The following SORCS1 variants were observed in gnomAD, a reference collection of about 807,000 sequenced individuals.
SORCS1 encodes VPS10 domain-containing receptor SorCS1.
Under a neutral mutation model 146.1 loss-of-function variants are expected in SORCS1, and 60 were observed. That is an observed-to-expected ratio of 0.41 (90% CI 0.33 to 0.51). SORCS1 has a LOEUF of 0.51. Ranked by LOEUF, SORCS1 falls within the 20% of genes least tolerant of loss-of-function variation. The pLI, the probability that SORCS1 is intolerant of heterozygous loss-of-function variation, is 0.21. For missense variants in SORCS1, 1,352 were observed against 1,487.6 expected, an observed-to-expected ratio of 0.91 and a Z score of 1.50; for synonymous variants, 637 against 584.0, an observed-to-expected ratio of 1.09 and a Z score of -1.31.
chr10:106,932,147 A>G (rs975660991), intron 2 of SORCS1, among the ~76,000 whole-genome samples: 1 of 152,186 alleles, frequency 6.6e-6, no homozygotes, highest in African/African-American at 2.4e-5. Flanking sequence ...ATGTTATGTG[A>G]ATTTTTATCC....
intron 2 of SORCS1, among the ~76,000 whole-genome samples, chr10:106,955,291 A>T (rs1359191110): frequency 6.6e-6 from 1 of 152,220 alleles, no homozygotes; most frequent in African/African-American, 2.4e-5. Context: ...TCCAGACACC[A>T]GCGCCCAAGG....
At chr10:107,040,786 G>A in intron 1 of SORCS1, among the ~76,000 whole-genome samples, 1 of 152,250 alleles carries the variant, frequency 6.6e-6, no homozygotes, top group South Asian at 2.1e-4. Context: ...AGCATCATTA[G>A]CACTTAAAAA....
At chr10:106,836,047 A>G (rs1480385954) in intron 2 of SORCS1, among the ~76,000 whole-genome samples, 3 of 152,026 alleles carry the variant, frequency 2.0e-5, no homozygotes, top group African/African-American at 7.2e-5. Flanking sequence ...ATAACAACGA[A>G]TGCTCTTTGA....
intron 2 of SORCS1, among the ~76,000 whole-genome samples, chr10:106,909,864 G>C (rs1952065851): frequency 6.6e-6 from 1 of 152,118 alleles, no homozygotes; most frequent in Non-Finnish European, 1.5e-5. Flanking sequence ...CAATATGATT[G>C]CAGGTATTGC....
chr10:106,595,387 C>G (rs1055103510), intron 24 of SORCS1, among the ~76,000 whole-genome samples: 1 of 152,100 alleles, frequency 6.6e-6, no homozygotes, highest in South Asian at 2.1e-4. Context: ...TTACACTCAT[C>G]TTTTTCAAGG....
At chr10:107,168,580 A>G (rs1304800032), upstream of SORCS1, among the ~76,000 whole-genome samples, 1 of 152,058 alleles carries the variant, frequency 6.6e-6, no homozygotes, top group Non-Finnish European at 1.5e-5. Context: ...CTAGGAGCAC[A>G]ACTCTTAGTA....
At chr10:106,885,904 G>A (rs941846703) in intron 2 of SORCS1, among the ~76,000 whole-genome samples, 6 of 152,038 alleles carry the variant, frequency 3.9e-5, no homozygotes, top group East Asian at 1.9e-4. Context: ...CACATAAGAC[G>A]TGCCTTTCAC....
intron 4 of SORCS1, among the ~76,000 whole-genome samples, chr10:106,773,283 C>A (rs1860165571): frequency 6.6e-6 from 1 of 152,198 alleles, no homozygotes; most frequent in Non-Finnish European, 1.5e-5. Context: ...CCAGCCAACA[C>A]CAGCACATGG....
intron 1 of SORCS1, among the ~76,000 whole-genome samples, chr10:107,107,418 AT>A (rs1265690511): frequency 6.6e-6 from 1 of 152,152 alleles, no homozygotes; most frequent in Non-Finnish European, 1.5e-5. Flanking sequence ...GGATGAATGG[AT>A]TTTGTGTTTC....
intron 2 of SORCS1, among the ~76,000 whole-genome samples, chr10:106,951,314 A>T (rs565743876): frequency 3.2e-4 from 48 of 152,180 alleles, no homozygotes; most frequent in South Asian, 1.7e-3. Context: ...GATCGAGACC[A>T]TCCTGGCTAA....
intron 1 of SORCS1, among the ~76,000 whole-genome samples, chr10:107,006,944 C>A (rs541706897): frequency 6.6e-6 from 1 of 152,162 alleles, no homozygotes; most frequent in Non-Finnish European, 1.5e-5. Flanking sequence ...TACTCAAATG[C>A]GCTTATAGCA....
At chr10:106,659,777 G>C (rs1472350058) in intron 17 of SORCS1, among the ~76,000 whole-genome samples, 2 of 152,194 alleles carry the variant, frequency 1.3e-5, no homozygotes, top group African/African-American at 4.8e-5. Context: ...GAATCGCCAT[G>C]TGAGAAAGCA....
chr10:106,723,987 T>A (rs1340084378), intron 6 of SORCS1, among the ~76,000 whole-genome samples: 1 of 152,192 alleles, frequency 6.6e-6, no homozygotes, highest in Non-Finnish European at 1.5e-5. Context: ...TATGTACTTT[T>A]TAAATTAATA....
In SORCS1 at chr10:106,772,043, C is replaced by T. The variant is rs549328194; in HGVS notation, c.885+4491G>A. Among the ~76,000 whole-genome samples, 6 of 152,266 alleles carry T rather than the reference C, an allele frequency of 3.9e-5. No homozygotes were observed. The East Asian group carries it at 1.2e-3, about 29-fold the overall frequency. On this transcript the variant is annotated intron_variant, in intron 4 of 25. Coordinates refer to ENST00000263054, the MANE Select transcript of SORCS1 (RefSeq NM_052918.5). ...TATGTGTCGACTTGGCTAAGAGATGCCCAAAGAGCTGATAAAACTTATCTG... is the reference window on the plus strand; with the variant it reads ...TATGTGTCGACTTGGCTAAGAGATGTCCAAAGAGCTGATAAAACTTATCTG...
At chr10:106,843,984 A>G (rs1350113204) in intron 2 of SORCS1, among the ~76,000 whole-genome samples, 1 of 152,198 alleles carries the variant, frequency 6.6e-6, no homozygotes, top group Non-Finnish European at 1.5e-5. Flanking sequence ...ATTGTTTTCC[A>G]TAGTGGCTGC....
At chr10:106,926,854 CACACACACACACAG>C (rs777368858) in intron 2 of SORCS1, among the ~76,000 whole-genome samples, 3,478 of 104,512 alleles carry the variant, frequency 0.033, 81 homozygotes, top group South Asian at 0.11. Flanking sequence ...CACACACACA[CACACACACACACAG>C]AGAGAGAGAG....
At chr10:106,840,998 G>A (rs1185478261) in intron 2 of SORCS1, among the ~76,000 whole-genome samples, 1 of 151,166 alleles carries the variant, frequency 6.6e-6, no homozygotes, top group Non-Finnish European at 1.5e-5. Flanking sequence ...TGGGACTACA[G>A]GTGCACGCCA....
At chr10:106,800,457 C>T (rs911889955) in intron 3 of SORCS1, among the ~76,000 whole-genome samples, 8 of 146,678 alleles carry the variant, frequency 5.5e-5, no homozygotes, top group African/African-American at 2.0e-4. Context: ...AGTTCACCAA[C>T]ATACCATCAA....
chr10:106,889,262 A>G (rs1486096255), intron 2 of SORCS1, among the ~76,000 whole-genome samples: 2 of 152,106 alleles, frequency 1.3e-5, no homozygotes, highest in African/African-American at 4.8e-5. Context: ...CAACCTAGCC[A>G]ATGCCCCTGC....
Sources: gnomAD v4.1 joint callset for allele counts (sites outside exome capture counted in the v4.1 genomes callset) on GRCh38, gnomAD v4.1.1 for gene constraint, MANE v1.5 for transcripts, NCBI Gene and HGNC (gene_info 2026-07-23, HGNC 2026-07-21) for gene names.